Variants in RTF2 observed in about 807,000 individuals in gnomAD.
The protein encoded by RTF2 is UPF0549 protein C20orf43.
Under a neutral mutation model 38.0 loss-of-function variants are expected in RTF2, and 18 were observed. That is an observed-to-expected ratio of 0.47 (90% CI 0.33 to 0.70). RTF2 has a LOEUF of 0.70. RTF2 is among the 30% of genes least tolerant of loss of function. The pLI, the probability that RTF2 is intolerant of heterozygous loss-of-function variation, is 0.02. For missense variants in RTF2, 311 were observed against 379.6 expected (o/e 0.82, Z 1.50); for synonymous variants, 126 against 137.1 (o/e 0.92, Z 0.57).
In RTF2 at chr20:56,517,225, G is replaced by T. The variant is rs769353429; in HGVS notation, c.742+24G>T. 10 of 1,592,984 alleles carry T rather than the reference G, an allele frequency of 6.3e-6. No homozygotes were observed. The Admixed American group carries it at 1.5e-4, about 24-fold the overall frequency. On this transcript the variant is annotated intron_variant, in intron 8 of 8. Coordinates refer to ENST00000357348, the MANE Select transcript of RTF2 (RefSeq NM_016407.5). ...AGGTGGGTCCTGTTGTAGCTACAGG[G>T]AGCTGTTTCGAGAAGGCTGGAAACC...
At chr20:56,498,731 A>C (rs2146349359) in intron 5 of RTF2, among the ~76,000 whole-genome samples, 1 of 152,314 alleles carries the variant, frequency 6.6e-6, no homozygotes, top group East Asian at 1.9e-4. Flanking sequence ...GTAACATGTC[A>C]AGCTTTATAT....
At chr20:56,516,091 C>CT (rs1469834089) in intron 6 of RTF2, 2 of 152,186 alleles carry the variant, frequency 1.3e-5, no homozygotes, top group Non-Finnish European at 2.9e-5. Flanking sequence ...CACAGAAGGT[C>CT]TTTATGTTCT....
chr20:56,516,926 T>G lies in RTF2; in HGVS notation c.592-9T>G. On this transcript the variant is annotated splice_polypyrimidine_tract_variant and intron_variant, in intron 6 of 8. Transcript: ENST00000357348. The stretch of plus-strand genomic sequence containing the variant: ...AGCACAGCCTCCAACATTCTCTATC[T>G]TTTTGTAGAAAACAAAGAAACCCAA... The G allele has an allele frequency of 6.2e-7, 1 of 1,613,462 alleles. No individual in the cohort carries two copies. The highest frequency in any genetic ancestry group is 8.5e-7 in the Non-Finnish European group (1 of 1,179,426).
At chr20:56,509,690 G>A (rs1984518482) in intron 5 of RTF2, among the ~76,000 whole-genome samples, 1 of 152,018 alleles carries the variant, frequency 6.6e-6, no homozygotes, top group Non-Finnish European at 1.5e-5. Flanking sequence ...CATTGCTGGT[G>A]GCAATGTAAA....
chr20:56,509,859 T>A lies in RTF2; in HGVS notation c.478-3456T>A, dbSNP rs6099179. Among the ~76,000 whole-genome samples, 374 of 152,302 alleles carry A rather than the reference T, an allele frequency of 2.5e-3. 1 individual carries two copies. The highest frequency in any genetic ancestry group is 8.6e-3 in the African/African-American group (358 of 41,564). On this transcript the variant is annotated intron_variant, in intron 5 of 8. Coordinates refer to ENST00000357348, the MANE Select transcript of RTF2 (RefSeq NM_016407.5). ...AAAGACTTCCATGTGAATTTCTTAG[T>A]CTGAAAGTGGAAACAACTCTGTCAG...
intron 4 of RTF2, among the ~76,000 whole-genome samples, chr20:56,479,649 A>G (rs1982428472): frequency 6.6e-6 from 1 of 152,198 alleles, no homozygotes; most frequent in Non-Finnish European, 1.5e-5. Flanking sequence ...GCCTTATGAA[A>G]TGTATTTTTA....
chr20:56,480,966 A>T (rs998125777), intron 4 of RTF2, among the ~76,000 whole-genome samples: 21 of 152,380 alleles, frequency 1.4e-4, no homozygotes, highest in Admixed American at 2.6e-4. Context: ...AAAATGTGAC[A>T]CAGAGACATG....
chr20:56,495,286 C>T (rs1336015871), intron 5 of RTF2: 17 of 1,551,282 alleles, frequency 1.1e-5, no homozygotes, highest in Non-Finnish European at 1.4e-5. Flanking sequence ...TTTGGTGTAG[C>T]ACCTGGAGCA....
At chr20:56,473,186 T>A in intron 1 of RTF2, 115 bp from the exon 2 acceptor site, 1 of 770,034 alleles carries the variant, frequency 1.3e-6, no homozygotes, top group Non-Finnish European at 2.1e-6. Flanking sequence ...TATCTTTGAT[T>A]TAAAAAACAA....
At chr20:56,470,683 C>T (rs954647254) in intron 1 of RTF2, 3 of 455,874 alleles carry the variant, frequency 6.6e-6, no homozygotes, top group Non-Finnish European at 1.3e-5. Context: ...TCAGCCCCAC[C>T]TCACCCCCAT....
chr20:56,494,615 A>G (rs1048904266), intron 5 of RTF2, among the ~76,000 whole-genome samples: 1 of 151,182 alleles, frequency 6.6e-6, no homozygotes, highest in African/African-American at 2.4e-5. Context: ...TTTTGAAAAA[A>G]CCCCTTCACT....
intron 4 of RTF2, 37 bp downstream of exon 4, chr20:56,477,161 T>G: frequency 1.2e-6 from 2 of 1,607,486 alleles, no homozygotes; most frequent in Non-Finnish European, 1.7e-6. Flanking sequence ...TGTGGGAGGC[T>G]GGAGGAATAC....
chr20:56,513,186 C>T lies in RTF2; in HGVS notation c.478-129C>T, dbSNP rs1984799069. ...GAACTTTCCAAACCAAGGCTTTGAC[C>T]AGAAAGCCGGTAATAGGAATTTACT... On this transcript the variant is annotated intron_variant, in intron 5 of 8. Coordinates refer to ENST00000357348, the MANE Select transcript of RTF2 (RefSeq NM_016407.5). The T allele has an allele frequency of 8.5e-6, 11 of 1,294,230 alleles. No homozygotes were observed. The Admixed American group carries it at 9.4e-5, about 11-fold the overall frequency. The allele number at this position is 1,294,230 out of a possible 1,614,324, so 80.2% of individuals were successfully genotyped here.
rs1256415417 is a variant in RTF2 at position 56,484,111 on chromosome 20, G to A, written c.399G>A (p.Arg133=). Residue 133 remains arginine (R), a splice_region_variant and synonymous_variant, in exon 5 of 9, where the codon AGG becomes AGA. Coordinates refer to ENST00000357348, the MANE Select transcript of RTF2 (RefSeq NM_016407.5). ...VVGLEMNGRH[R]FCFLRCCGCV... ...TTCCCCCACTGGGTTATTTCTCCAG[G>A]TTCTGCTTCCTTCGGTGCTGCGGCT... The A allele has an allele frequency of 6.2e-7, 1 of 1,613,944 alleles. No homozygotes were observed. The highest frequency in any genetic ancestry group is 8.5e-7 in the Non-Finnish European group (1 of 1,179,944).
At chr20:56,493,692 A>G (rs966580085) in intron 5 of RTF2, among the ~76,000 whole-genome samples, 1 of 151,842 alleles carries the variant, frequency 6.6e-6, no homozygotes, top group African/African-American at 2.4e-5. Context: ...TATGAAGACT[A>G]TCAGTGGGAG....
intron 5 of RTF2, among the ~76,000 whole-genome samples, chr20:56,487,016 T>C (rs1379256228): frequency 6.6e-6 from 1 of 152,162 alleles, no homozygotes; most frequent in Non-Finnish European, 1.5e-5. Flanking sequence ...GGAGTTCTAG[T>C]TCTTAAGAGT....
chr20:56,493,769 T>G (rs1379425908), intron 5 of RTF2, among the ~76,000 whole-genome samples: 2 of 152,170 alleles, frequency 1.3e-5, no homozygotes, highest in Non-Finnish European at 2.9e-5. Flanking sequence ...CTGTGCCATT[T>G]AGACACAGAT....
intron 5 of RTF2, chr20:56,496,772 A>G: frequency 6.4e-7 from 1 of 1,552,196 alleles, no homozygotes. Flanking sequence ...CATAGTAAGC[A>G]CTTCCAAAAT....
intron 5 of RTF2, among the ~76,000 whole-genome samples, chr20:56,489,646 T>G (rs1474441404): frequency 6.6e-6 from 1 of 152,220 alleles, no homozygotes; most frequent in Non-Finnish European, 1.5e-5. Flanking sequence ...GGAGCACCCA[T>G]GTCCTCCTAA....
Sources: gnomAD v4.1 joint callset for allele counts (sites outside exome capture counted in the v4.1 genomes callset) on GRCh38, gnomAD v4.1.1 for gene constraint, MANE v1.5 for transcripts, NCBI Gene and HGNC (gene_info 2026-07-23, HGNC 2026-07-21) for gene names.